DNAH7: variants seen among roughly 807,000 people sequenced by gnomAD.
DNAH7 encodes the protein dynein axonemal heavy chain 7.
DNAH7 carries 397 observed loss-of-function variants against 444.6 expected under a neutral mutation model. The ratio of observed to expected loss-of-function variants is 0.89; its 90% confidence interval spans 0.82 to 0.97. The LOEUF is 0.97. DNAH7 is among the 50% of genes least tolerant of loss of function. The pLI is 0.00. For synonymous variants in DNAH7, 1,636 were observed against 1,624.4 expected (o/e 1.01, Z -0.17); for missense variants, 4,902 against 4,800.8 (o/e 1.02, Z -0.62).
At chr2:195,804,705 T>A (rs905275292) in intron 54 of DNAH7, among the ~76,000 whole-genome samples, 10 of 152,220 alleles carry the variant, frequency 6.6e-5, no homozygotes, top group Admixed American at 5.2e-4. Context: ...CCCTGGCAGT[T>A]AAATGCTTCT....
chr2:196,057,195 A>G (rs1697862452), intron 2 of DNAH7, among the ~76,000 whole-genome samples: 1 of 152,234 alleles, frequency 6.6e-6, no homozygotes, highest in African/African-American at 2.4e-5. Context: ...CATAAAACTC[A>G]AAGGATACGG....
chr2:195,928,116 T>C (rs879749487), intron 21 of DNAH7, among the ~76,000 whole-genome samples: 1 of 152,110 alleles, frequency 6.6e-6, no homozygotes, highest in Admixed American at 6.6e-5. Flanking sequence ...ATTGTTGCCA[T>C]GTTTATGTCC....
chr2:196,003,533 A>G (rs1314116419), intron 10 of DNAH7, among the ~76,000 whole-genome samples: 1 of 152,274 alleles, frequency 6.6e-6, no homozygotes, highest in Non-Finnish European at 1.5e-5. Flanking sequence ...AGGCACATAC[A>G]TACATAAATA....
At chr2:196,049,215 T>A (rs1216040288) in intron 3 of DNAH7, among the ~76,000 whole-genome samples, 1 of 152,166 alleles carries the variant, frequency 6.6e-6, no homozygotes, top group East Asian at 1.9e-4. Flanking sequence ...CTCTCCCTAA[T>A]CTCTTACTTC....
At chr2:195,976,301 A>G (rs1270626413) in intron 15 of DNAH7, among the ~76,000 whole-genome samples, 1 of 152,214 alleles carries the variant, frequency 6.6e-6, no homozygotes, top group African/African-American at 2.4e-5. Context: ...ATACTCCCCA[A>G]GGACCTGTGG....
chr2:195,949,321 T>C (rs776941176), intron 19 of DNAH7, among the ~76,000 whole-genome samples: 4 of 152,176 alleles, frequency 2.6e-5, no homozygotes, highest in South Asian at 2.1e-4. Flanking sequence ...TCTCACTCCA[T>C]TGTCCTGGCT....
chr2:195,926,931 A>T (rs1688370670), intron 21 of DNAH7, among the ~76,000 whole-genome samples: 1 of 152,044 alleles, frequency 6.6e-6, no homozygotes, highest in South Asian at 2.1e-4. Context: ...CCAAAATGAG[A>T]TCCATCAAAT....
chr2:196,020,828 C>A (rs1237704531), intron 8 of DNAH7, among the ~76,000 whole-genome samples: 1 of 152,070 alleles, frequency 6.6e-6, no homozygotes, highest in African/African-American at 2.4e-5. Flanking sequence ...CCAGAACTGG[C>A]CTCAAACACC....
chr2:195,936,661 T>G lies in DNAH7; in HGVS notation c.3210A>C (p.Arg1070Ser), dbSNP rs1488548017. 6.2e-7 allele frequency: 1 copy of G among 1,606,040 alleles called. No individual in the cohort carries two copies. Among genetic ancestry groups the G allele is most frequent in the East Asian group, 2.2e-5 (1 of 44,506 alleles). Reference protein sequence around the residue: ...YLEKKRLFFPRFFFLSNDELL... With the variant: ...YLEKKRLFFPSFFFLSNDELL... ...GTTCATCATTGGACAAAAAAAAGAA[T>G]CTGGGGAAAAAGAGGCGTTTCTTTT... The change falls in exon 20 of 65, where the codon AGA becomes AGC. Residue 1070 changes from arginine to serine, a missense_variant. Arg to Ser is a moderately radical substitution (Grantham distance 110, BLOSUM62 -1). Coordinates refer to ENST00000312428, the MANE Select transcript of DNAH7 (RefSeq NM_018897.3).
At chr2:195,998,810 A>C (rs1331952384) in intron 12 of DNAH7, 3 of 292,398 alleles carry the variant, frequency 1.0e-5, no homozygotes, top group Non-Finnish European at 1.9e-5. Context: ...TCCAGAAAAC[A>C]ACTACTCAAT....
At chr2:196,063,086 T>G (rs1698223391) in intron 1 of DNAH7, among the ~76,000 whole-genome samples, 1 of 152,146 alleles carries the variant, frequency 6.6e-6, no homozygotes, top group African/African-American at 2.4e-5. Flanking sequence ...TTCGCTACGT[T>G]AGCCAGGCTG....
At chr2:196,029,949 A>T (rs559673816) in intron 5 of DNAH7, among the ~76,000 whole-genome samples, 1 of 152,318 alleles carries the variant, frequency 6.6e-6, no homozygotes, top group Admixed American at 6.5e-5. Context: ...CTGAAAAAAA[A>T]TGGTAGTGAA....
At chr2:195,799,223 C>T in intron 55 of DNAH7, 73 bp downstream of exon 55, 3 of 1,287,004 alleles carry the variant, frequency 2.3e-6, no homozygotes, top group Non-Finnish European at 3.1e-6. Flanking sequence ...TTCCCTCATC[C>T]TTAAAATTTC....
intron 35 of DNAH7, among the ~76,000 whole-genome samples, chr2:195,883,068 C>T (rs571819280): frequency 6.6e-6 from 1 of 152,008 alleles, no homozygotes; most frequent in South Asian, 2.1e-4. Flanking sequence ...CTAGAACCAA[C>T]GAAGAAAATA....
intron 2 of DNAH7, among the ~76,000 whole-genome samples, chr2:196,053,138 G>A (rs533620698): frequency 2.0e-5 from 3 of 152,164 alleles, no homozygotes; most frequent in South Asian, 2.1e-4. Flanking sequence ...GGGAAGGAGT[G>A]GAAAAGTGCT....
At chr2:196,052,234 G>A (rs1347724972) in intron 2 of DNAH7, among the ~76,000 whole-genome samples, 1 of 152,188 alleles carries the variant, frequency 6.6e-6, no homozygotes, top group South Asian at 2.1e-4. Context: ...CTTTGGGGAA[G>A]GGACGGCTCT....
chr2:195,741,689 GT>G (rs1693043699), intron 63 of DNAH7, among the ~76,000 whole-genome samples: 4 of 152,158 alleles, frequency 2.6e-5, no homozygotes. Flanking sequence ...AGTAATATCT[GT>G]TTTGTCCACC....
In DNAH7 at chr2:195,799,401, A is replaced by C; in HGVS notation, c.10248T>G (p.Asp3416Glu). ...TACTGTCTCCAAATGCCTTGGCTAA[A>C]TCAAAGGGGGGTGGTTCAATGAATG... ...GRAFIEPPPF[D>E]LAKAFGDSNC... The change falls in exon 55 of 65, where the codon GAT becomes GAG. Residue 3416 changes from aspartate (D) to glutamate (E), a missense_variant. Physicochemically the swap from Asp to Glu is conservative, Grantham distance 45 (BLOSUM62 2). Coordinates refer to ENST00000312428, the MANE Select transcript of DNAH7 (RefSeq NM_018897.3). The C allele has an allele frequency of 6.2e-7, 1 of 1,611,662 alleles. No homozygotes were observed. The highest frequency in any genetic ancestry group is 8.5e-7 in the Non-Finnish European group (1 of 1,178,850).
chr2:195,911,983 GTTCT>G (rs1687386735), intron 24 of DNAH7, among the ~76,000 whole-genome samples: 1 of 152,136 alleles, frequency 6.6e-6, no homozygotes, highest in Non-Finnish European at 1.5e-5. Flanking sequence ...ATTTAATAGG[GTTCT>G]TTCTTGGAAT....
Sources: gnomAD v4.1 joint callset for allele counts (sites outside exome capture counted in the v4.1 genomes callset) on GRCh38, gnomAD v4.1.1 for gene constraint, MANE v1.5 for transcripts, NCBI Gene and HGNC (gene_info 2026-07-23, HGNC 2026-07-21) for gene names.